Variants in KCNIP4 observed in about 807,000 individuals in gnomAD.
The protein encoded by KCNIP4 is potassium voltage-gated channel interacting protein 4.
KCNIP4 carries 12 observed loss-of-function variants against 34.0 expected under a neutral mutation model. The ratio of observed to expected loss-of-function variants is 0.35; its 90% CI spans 0.23 to 0.57. The LOEUF (loss-of-function observed/expected upper bound fraction) is 0.57. Ranked by LOEUF, KCNIP4 falls within the 20% of genes least tolerant of loss-of-function variation. The probability of loss-of-function intolerance (pLI) is 0.83; values close to 1 mark genes in which losing one functional copy is unlikely to be tolerated. For synonymous variants in KCNIP4, 124 were observed against 102.2 expected (o/e 1.21, Z -1.29); for missense variants, 238 against 311.7 (o/e 0.76, Z 1.78).
rs532660404 is a variant in KCNIP4, at chr4:21,909,999, G to A, written c.61+38572C>T. ...ACAATTCATGATGAGATTTGGGCAGGGACACAGCCAAACCATATCACATAC... is the reference window on the plus strand; with the variant it reads ...ACAATTCATGATGAGATTTGGGCAGAGACACAGCCAAACCATATCACATAC... On this transcript the variant is annotated intron_variant, in intron 1 of 8. Coordinates refer to ENST00000382152, the MANE Select transcript of KCNIP4 (RefSeq NM_025221.6). 9.2e-5 allele frequency among the ~76,000 whole-genome samples: 14 copies of A among 152,060 alleles called. No individual in the cohort carries two copies. The South Asian group carries it at 2.3e-3, about 25-fold the overall frequency.
At chr4:21,480,656 A>G (rs1315549415) in intron 1 of KCNIP4, among the ~76,000 whole-genome samples, 1 of 152,222 alleles carries the variant, frequency 6.6e-6, no homozygotes, top group Non-Finnish European at 1.5e-5. Flanking sequence ...TACAGAAAAT[A>G]TACCAAATAT....
intron 1 of KCNIP4, among the ~76,000 whole-genome samples, chr4:21,278,970 T>C (rs1393770223): frequency 6.6e-6 from 1 of 151,588 alleles, no homozygotes; most frequent in East Asian, 1.9e-4. Flanking sequence ...CATCAGGAGG[T>C]TGGTGATAAG....
intron 1 of KCNIP4, among the ~76,000 whole-genome samples, chr4:21,715,290 C>T (rs945395038): frequency 2.0e-5 from 3 of 151,702 alleles, no homozygotes; most frequent in Admixed American, 2.0e-4. Context: ...CGCCATCATG[C>T]CCGGCTAATT....
chr4:20,932,481 T>C (rs34895463), intron 1 of KCNIP4, among the ~76,000 whole-genome samples: 2,504 of 129,458 alleles, frequency 0.019, 201 homozygotes, highest in African/African-American at 0.057. Flanking sequence ...TAGTCTATAA[T>C]AGTCTAATAT....
At chr4:21,428,723 A>G (rs1726146009) in intron 1 of KCNIP4, among the ~76,000 whole-genome samples, 1 of 152,200 alleles carries the variant, frequency 6.6e-6, no homozygotes. Flanking sequence ...CAAGGTGCAC[A>G]TTTTCTAGGA....
At chr4:20,811,953 C>G (rs1182445918) in intron 3 of KCNIP4, among the ~76,000 whole-genome samples, 1 of 152,060 alleles carries the variant, frequency 6.6e-6, no homozygotes, top group Non-Finnish European at 1.5e-5. Context: ...AGCAGATTCC[C>G]AGAAAAGAAT....
intron 1 of KCNIP4, among the ~76,000 whole-genome samples, chr4:21,916,730 A>T (rs565219543): frequency 4.6e-5 from 7 of 152,334 alleles, no homozygotes; most frequent in Admixed American, 3.9e-4. Context: ...GAGGATTTTC[A>T]AAGAACAACT....
intron 3 of KCNIP4, among the ~76,000 whole-genome samples, chr4:20,840,950 T>A (rs1719643994): frequency 1.3e-5 from 2 of 152,194 alleles, no homozygotes. Context: ...ACGAATAATC[T>A]ACCAGATGGC....
At chr4:21,323,720 A>C (rs1337656265) in intron 1 of KCNIP4, among the ~76,000 whole-genome samples, 3 of 152,110 alleles carry the variant, frequency 2.0e-5, no homozygotes, top group African/African-American at 4.8e-5. Flanking sequence ...TGCTGCGAAA[A>C]ATATGGGAGC....
chr4:21,525,946 G>C (rs1319872313), intron 1 of KCNIP4, among the ~76,000 whole-genome samples: 1 of 151,928 alleles, frequency 6.6e-6, no homozygotes, highest in African/African-American at 2.4e-5. Flanking sequence ...TTACAACAAA[G>C]AAAAATAAGG....
chr4:21,591,804 TGAAA>T (rs1416883627), intron 1 of KCNIP4, among the ~76,000 whole-genome samples: 1 of 152,150 alleles, frequency 6.6e-6, no homozygotes, highest in Admixed American at 6.6e-5. Flanking sequence ...AGAAACATTC[TGAAA>T]GAGATTCCTG....
intron 1 of KCNIP4, among the ~76,000 whole-genome samples, chr4:21,282,202 A>T (rs1450544011): frequency 6.6e-6 from 1 of 152,252 alleles, no homozygotes; most frequent in Non-Finnish European, 1.5e-5. Context: ...GCAAATCTAC[A>T]TTTAATTTAT....
At chr4:20,830,440 CTCTT>C (rs1429509395) in intron 3 of KCNIP4, among the ~76,000 whole-genome samples, 1 of 152,274 alleles carries the variant, frequency 6.6e-6, no homozygotes, top group African/African-American at 2.4e-5. Context: ...ATTTTTCTCT[CTCTT>C]TCTTATACCT....
chr4:20,800,537 G>A (rs1422222849), intron 3 of KCNIP4, among the ~76,000 whole-genome samples: 1 of 151,992 alleles, frequency 6.6e-6, no homozygotes, highest in Non-Finnish European at 1.5e-5. Flanking sequence ...ATGAAATCAG[G>A]AATATAATTC....
chr4:20,815,306 A>G (rs1716240222), intron 3 of KCNIP4, among the ~76,000 whole-genome samples: 1 of 152,204 alleles, frequency 6.6e-6, no homozygotes, highest in African/African-American at 2.4e-5. Context: ...GTCTACCATA[A>G]TTATAGAGCA....
At chr4:21,651,950 G>T (rs1747514870) in intron 1 of KCNIP4, among the ~76,000 whole-genome samples, 1 of 152,070 alleles carries the variant, frequency 6.6e-6, no homozygotes, top group South Asian at 2.1e-4. Flanking sequence ...AAAGTAGTTT[G>T]TATATAATAC....
intron 1 of KCNIP4, among the ~76,000 whole-genome samples, chr4:21,496,424 C>G (rs954378063): frequency 4.6e-5 from 7 of 152,130 alleles, no homozygotes; most frequent in African/African-American, 1.7e-4. Flanking sequence ...CAAGTCCTAA[C>G]AGCAATAAAG....
At chr4:21,143,278 C>T (rs1752102586) in intron 1 of KCNIP4, among the ~76,000 whole-genome samples, 1 of 152,100 alleles carries the variant, frequency 6.6e-6, no homozygotes, top group Non-Finnish European at 1.5e-5. Context: ...CAGAAAGATC[C>T]AAAGCAAGAG....
intron 1 of KCNIP4, among the ~76,000 whole-genome samples, chr4:21,055,994 A>C (rs1743363698): frequency 6.6e-6 from 1 of 152,088 alleles, no homozygotes. Context: ...CAAATATGCC[A>C]CTCTGGTGAG....
Sources: allele counts gnomAD v4.1 joint callset (sites outside exome capture counted in the v4.1 genomes callset), GRCh38; gene constraint gnomAD v4.1.1; transcripts MANE v1.5; gene names NCBI Gene and HGNC (gene_info 2026-07-23, HGNC 2026-07-21).